Variants in ANTXR1 observed in about 807,000 individuals in gnomAD.
ANTXR1 encodes the protein ANTXR cell adhesion molecule 1.
Under a neutral mutation model 78.1 loss-of-function variants are expected in ANTXR1, and 19 were observed. The observed-to-expected ratio is 0.24, with a 90% confidence interval of 0.17 to 0.36. ANTXR1 has a LOEUF of 0.36. Ranked by LOEUF, ANTXR1 falls within the 10% of genes least tolerant of loss-of-function variation. The pLI is 1.00. For synonymous variants in ANTXR1, 273 were observed against 260.5 expected (o/e 1.05, Z -0.46); for missense variants, 518 against 718.6 (o/e 0.72, Z 3.19).
chr2:69,232,545 A>G (rs1675647498), intron 17 of ANTXR1, among the ~76,000 whole-genome samples: 1 of 151,940 alleles, frequency 6.6e-6, no homozygotes, highest in Non-Finnish European at 1.5e-5. Context: ...AGTCTTATAA[A>G]TTACTATTCA....
chr2:69,210,294 T>A (rs1675008480), intron 17 of ANTXR1, among the ~76,000 whole-genome samples: 1 of 152,264 alleles, frequency 6.6e-6, no homozygotes. Flanking sequence ...TCATTATTTA[T>A]CACCCCTTTG....
At chr2:69,052,759 CTAAGTA>C (rs1196652590) in intron 3 of ANTXR1, among the ~76,000 whole-genome samples, 2 of 152,036 alleles carry the variant, frequency 1.3e-5, no homozygotes, top group East Asian at 1.9e-4. Flanking sequence ...TCTTTATATT[CTAAGTA>C]TAATTTTTTA....
intron 17 of ANTXR1, among the ~76,000 whole-genome samples, chr2:69,237,846 TTTTA>T (rs1221489374): frequency 6.6e-6 from 1 of 152,202 alleles, no homozygotes; most frequent in Non-Finnish European, 1.5e-5. Context: ...ATATGCACAT[TTTTA>T]TTTATATATA....
intron 6 of ANTXR1, among the ~76,000 whole-genome samples, chr2:69,075,331 C>T (rs1056777629): frequency 4.6e-5 from 7 of 152,142 alleles, no homozygotes; most frequent in African/African-American, 1.7e-4. Flanking sequence ...TGCAGTTTTC[C>T]CTTCCTCCCC....
chr2:69,052,818 C>G (rs1669963637), intron 3 of ANTXR1, among the ~76,000 whole-genome samples: 1 of 152,040 alleles, frequency 6.6e-6, no homozygotes, highest in Non-Finnish European at 1.5e-5. Context: ...ATGTTTCATT[C>G]AGATCCTGTA....
chr2:69,147,882 A>G (rs1341605805), intron 12 of ANTXR1, among the ~76,000 whole-genome samples: 1 of 152,202 alleles, frequency 6.6e-6, no homozygotes, highest in African/African-American at 2.4e-5. Context: ...CACTGAATTA[A>G]ATGAGAGAAT....
intron 3 of ANTXR1, among the ~76,000 whole-genome samples, chr2:69,056,448 G>C (rs1280353946): frequency 6.6e-6 from 1 of 151,436 alleles, no homozygotes; most frequent in Non-Finnish European, 1.5e-5. Context: ...CTAAATATTT[G>C]AGGTATAACA....
At chr2:69,196,648 T>C (rs957519251) in intron 17 of ANTXR1, among the ~76,000 whole-genome samples, 4 of 152,212 alleles carry the variant, frequency 2.6e-5, no homozygotes, top group Non-Finnish European at 5.9e-5. Flanking sequence ...TCAGCACTGA[T>C]TTATGGAGCT....
chr2:69,206,176 A>G (rs1674896941), intron 17 of ANTXR1, among the ~76,000 whole-genome samples: 1 of 152,132 alleles, frequency 6.6e-6, no homozygotes, highest in Admixed American at 6.5e-5. Flanking sequence ...TGGTTGCTTC[A>G]CTGAATGGTG....
intron 3 of ANTXR1, among the ~76,000 whole-genome samples, chr2:69,055,865 A>G (rs550908518): frequency 8.5e-5 from 13 of 152,164 alleles, no homozygotes; most frequent in Admixed American, 7.2e-4. Flanking sequence ...TTGGACCAGG[A>G]CCCATTATGG....
intron 12 of ANTXR1, among the ~76,000 whole-genome samples, chr2:69,148,853 C>T (rs755068601): frequency 1.3e-4 from 20 of 152,154 alleles, no homozygotes; most frequent in Non-Finnish European, 2.1e-4. Context: ...ATACGAATGC[C>T]CAAGCCCCAT....
intron 17 of ANTXR1, among the ~76,000 whole-genome samples, chr2:69,226,632 T>C (rs1422561992): frequency 6.6e-6 from 1 of 152,062 alleles, no homozygotes; most frequent in African/African-American, 2.4e-5. Context: ...CTGGTAAGGG[T>C]TTGTGCAACT....
chr2:69,022,929 C>A (rs778522415), intron 1 of ANTXR1, among the ~76,000 whole-genome samples: 1 of 152,212 alleles, frequency 6.6e-6, no homozygotes, highest in East Asian at 1.9e-4. Flanking sequence ...GTTGCCAGGT[C>A]CTGCTGTGTG....
chr2:69,071,813 T>C, intron 5 of ANTXR1, 26 bp downstream of exon 5: 1 of 1,606,744 alleles, frequency 6.2e-7, no homozygotes, highest in Non-Finnish European at 8.5e-7. Flanking sequence ...GAACTACCAT[T>C]ATGAATTATT....
intron 17 of ANTXR1, among the ~76,000 whole-genome samples, chr2:69,199,462 G>A (rs1573971740): frequency 1.3e-5 from 2 of 152,230 alleles, no homozygotes; most frequent in South Asian, 4.2e-4. Context: ...GACACAACTG[G>A]AGAATAACTA....
chr2:69,128,384 A>G (rs1482912604), intron 12 of ANTXR1, among the ~76,000 whole-genome samples: 2 of 152,246 alleles, frequency 1.3e-5, no homozygotes, highest in Non-Finnish European at 1.5e-5. Flanking sequence ...GTGCTCAGTA[A>G]TTATTAGCTG....
chr2:69,198,032 G>T (rs921020813), intron 17 of ANTXR1, among the ~76,000 whole-genome samples: 1 of 152,076 alleles, frequency 6.6e-6, no homozygotes, highest in Non-Finnish European at 1.5e-5. Flanking sequence ...CCTTTTTGGA[G>T]ATTGATTTTC....
At chr2:69,182,465 T>C in intron 15 of ANTXR1, 28 bp from the exon 16 acceptor site, 2 of 1,613,734 alleles carry the variant, frequency 1.2e-6, no homozygotes, top group Non-Finnish European at 1.7e-6. Context: ...TTTTGTCATT[T>C]CATTTCATTG....
chr2:69,077,276 C>T, intron 7 of ANTXR1, 132 bp from the exon 8 acceptor site: 1 of 916,376 alleles, frequency 1.1e-6, no homozygotes, highest in Non-Finnish European at 1.8e-6. Context: ...AGCCCCTGAG[C>T]CCAGTGAAGG....
Sources: gnomAD v4.1 joint callset for allele counts (sites outside exome capture counted in the v4.1 genomes callset) on GRCh38, gnomAD v4.1.1 for gene constraint, MANE v1.5 for transcripts, NCBI Gene and HGNC (gene_info 2026-07-23, HGNC 2026-07-21) for gene names.